NAV2: variants seen among roughly 807,000 people sequenced by gnomAD.
NAV2 encodes the protein helicase, APC down-regulated 1.
NAV2 carries 54 observed loss-of-function variants against 223.2 expected under a neutral mutation model. The ratio of observed to expected loss-of-function variants is 0.24; its 90% CI spans 0.19 to 0.30. The LOEUF (loss-of-function observed/expected upper bound fraction) is 0.30. Ranked by LOEUF, NAV2 falls within the 10% of genes least tolerant of loss-of-function variation. NAV2 has a pLI of 1.00. For missense variants in NAV2, 2,806 were observed against 3,147.5 expected (o/e 0.89, Z 2.60); for synonymous variants, 1,279 against 1,239.3 (o/e 1.03, Z -0.67).
At chr11:20,005,192 T>C (rs1445303131) in intron 11 of NAV2, among the ~76,000 whole-genome samples, 1 of 151,666 alleles carries the variant, frequency 6.6e-6, no homozygotes, top group Non-Finnish European at 1.5e-5. Context: ...GTTCAATAAA[T>C]GTTTGAGAAC....
intron 1 of NAV2, among the ~76,000 whole-genome samples, chr11:19,733,535 G>A (rs965851971): frequency 2.6e-5 from 4 of 152,324 alleles, no homozygotes; most frequent in East Asian, 1.9e-4. Context: ...ACCGCACAAC[G>A]GGTTTTAAGG....
intron 1 of NAV2, among the ~76,000 whole-genome samples, chr11:19,399,805 C>T (rs1360194831): frequency 1.3e-5 from 2 of 152,204 alleles, no homozygotes; most frequent in Non-Finnish European, 2.9e-5. Flanking sequence ...TAGCCCTTTA[C>T]CACATATAGG....
In NAV2 at chr11:19,527,937, G is replaced by GACACACACACACACACAC. The variant is rs67561376; in HGVS notation, c.75+176928_75+176945dup. Among the ~76,000 whole-genome samples the GACACACACACACACACAC allele has an allele frequency of 5.0e-3, 719 of 143,298 alleles. 13 individuals carry two copies. Among genetic ancestry groups the GACACACACACACACACAC allele is most frequent in the African/African-American group, 0.019 (690 of 37,066 alleles). The allele number at this position is 143,298 out of a possible 152,430, so 94.0% of individuals were successfully genotyped here. A position where few individuals can be genotyped will look rare whatever the true frequency, so the allele number is the denominator to read the frequency against. On this transcript the variant is annotated intron_variant, in intron 1 of 37. Coordinates refer to the NAV2 transcript ENST00000360655. ...TCACAAGGAGATAGCTCCCTGCCCT[G>GACACACACACACACACAC]ACACACACACACACACACACACACA...
At chr11:19,361,356 A>G (rs1399593988) in intron 1 of NAV2, among the ~76,000 whole-genome samples, 1 of 152,088 alleles carries the variant, frequency 6.6e-6, no homozygotes. Context: ...TTCCAATCCC[A>G]GCATGTCACC....
chr11:19,977,949 C>A (rs916314429), intron 10 of NAV2, among the ~76,000 whole-genome samples: 1 of 151,376 alleles, frequency 6.6e-6, no homozygotes, highest in Admixed American at 6.6e-5. Context: ...GGATTACAGG[C>A]GCCTGCCACC....
intron 1 of NAV2, among the ~76,000 whole-genome samples, chr11:19,483,351 C>T (rs1178849192): frequency 6.6e-6 from 1 of 152,172 alleles, no homozygotes; most frequent in Admixed American, 6.5e-5. Context: ...TGCCACCCAC[C>T]CATTGGTCAC....
At chr11:19,894,025 A>G (rs1272222709) in intron 6 of NAV2, among the ~76,000 whole-genome samples, 3 of 152,184 alleles carry the variant, frequency 2.0e-5, no homozygotes, top group Non-Finnish European at 4.4e-5. Context: ...ATATATGTGT[A>G]TGTATATATG....
At chr11:19,898,448 A>G (rs192709144) in intron 6 of NAV2, among the ~76,000 whole-genome samples, 1 of 152,324 alleles carries the variant, frequency 6.6e-6, no homozygotes, top group Admixed American at 6.5e-5. Flanking sequence ...CCGTACACAC[A>G]TTGATATTAC....
chr11:19,949,309 A>C (rs560384073), intron 10 of NAV2, among the ~76,000 whole-genome samples: 2 of 152,306 alleles, frequency 1.3e-5, no homozygotes, highest in Non-Finnish European at 2.9e-5. Flanking sequence ...GTAATACCTG[A>C]AAACAAACCA....
At chr11:19,367,592 TC>T (rs889800085) in intron 1 of NAV2, among the ~76,000 whole-genome samples, 3 of 152,158 alleles carry the variant, frequency 2.0e-5, no homozygotes, top group African/African-American at 7.2e-5. Flanking sequence ...CTCTAGATCC[TC>T]CCACCCATCT....
intron 1 of NAV2, among the ~76,000 whole-genome samples, chr11:19,815,131 A>G (rs918607540): frequency 1.3e-5 from 2 of 152,198 alleles, no homozygotes; most frequent in Admixed American, 6.5e-5. Flanking sequence ...GGTGTAGGGA[A>G]AAAAACCCCT....
rs144561067 is a variant in NAV2 at position 19,770,991 on chromosome 11, A to G, written c.267+57029A>G. Among the ~76,000 whole-genome samples, 32 of 152,258 alleles carry G rather than the reference A, an allele frequency of 2.1e-4. 1 individual carries two copies. In the East Asian group the frequency reaches 4.8e-3, roughly 23 times the overall value. ...CGTTTCAGTGCAGTTTATATTCATTACATTTTTGATGGTACAGTGGAAAGG... is the reference window on the plus strand; with the variant it reads ...CGTTTCAGTGCAGTTTATATTCATTGCATTTTTGATGGTACAGTGGAAAGG... On this transcript the variant is annotated intron_variant, in intron 1 of 37. Coordinates refer to ENST00000349880, the MANE Select transcript of NAV2 (RefSeq NM_145117.5).
chr11:19,831,879 TGA>T (rs1383585841), intron 1 of NAV2, among the ~76,000 whole-genome samples: 1 of 152,210 alleles, frequency 6.6e-6, no homozygotes. Context: ...ACAGTGAAAA[TGA>T]TGCCTGGCTT....
chr11:19,576,262 A>G (rs542466646), intron 1 of NAV2, among the ~76,000 whole-genome samples: 6 of 152,336 alleles, frequency 3.9e-5, no homozygotes, highest in Non-Finnish European at 7.3e-5. Flanking sequence ...ATTCTGATGC[A>G]AAAACCTGTT....
intron 11 of NAV2, among the ~76,000 whole-genome samples, chr11:20,034,537 C>G (rs7131414): frequency 0.4 from 61,259 of 151,662 alleles, 12,783 homozygotes; most frequent in Middle Eastern, 0.51. Flanking sequence ...GTGCCACCAC[C>G]CCCGGCTAAT....
chr11:20,111,783 A>G (rs2062660328), intron 36 of NAV2, among the ~76,000 whole-genome samples: 1 of 152,234 alleles, frequency 6.6e-6, no homozygotes, highest in Non-Finnish European at 1.5e-5. Flanking sequence ...TTCTCCATCT[A>G]TAAATTGACA....
intron 1 of NAV2, among the ~76,000 whole-genome samples, chr11:19,355,256 T>G (rs1356688588): frequency 6.6e-6 from 1 of 151,800 alleles, no homozygotes; most frequent in African/African-American, 2.4e-5. Flanking sequence ...TGGTTGTTTT[T>G]TTTTTTTTTT....
chr11:20,041,308 A>C, intron 12 of NAV2, among the ~76,000 whole-genome samples: 1 of 152,156 alleles, frequency 6.6e-6, no homozygotes, highest in African/African-American at 2.4e-5. Flanking sequence ...TGATCTTGGG[A>C]AATTTTCTTT....
chr11:19,605,559 A>G lies in NAV2; in HGVS notation c.76-226925A>G, dbSNP rs76698907. Among the ~76,000 whole-genome samples the G allele has an allele frequency of 1.7e-3, 252 of 151,630 alleles. 1 individual carries two copies. Among genetic ancestry groups the G allele is most frequent in the African/African-American group, 5.9e-3 (246 of 41,358 alleles). On this transcript the variant is annotated intron_variant, in intron 1 of 37. Transcript: ENST00000360655. ...TTAAAAAAAAAAAAAAAAGAAAGTC[A>G]TGAAAAGCTGCATAAGCTCTACTTA...
Sources: gnomAD v4.1 joint callset for allele counts (sites outside exome capture counted in the v4.1 genomes callset) on GRCh38, gnomAD v4.1.1 for gene constraint, MANE v1.5 for transcripts, NCBI Gene and HGNC (gene_info 2026-07-23, HGNC 2026-07-21) for gene names.